PDGFD: variants seen among roughly 807,000 people sequenced by gnomAD.
PDGFD encodes platelet-derived growth factor D.
In PDGFD, 30 loss-of-function variants were observed where a neutral mutation model predicts 44.7. The ratio of observed to expected loss-of-function variants is 0.67; its 90% confidence interval spans 0.50 to 0.91. PDGFD has a LOEUF of 0.91. PDGFD is among the 40% of genes least tolerant of loss of function. PDGFD has a pLI of 0.00. For missense variants in PDGFD, 445 were observed against 457.8 expected, an observed-to-expected ratio of 0.97 and a Z score of 0.25; for synonymous variants, 173 against 168.4, an observed-to-expected ratio of 1.03 and a Z score of -0.21.
intron 1 of PDGFD, among the ~76,000 whole-genome samples, chr11:104,042,012 T>C (rs1452024562): frequency 6.6e-6 from 1 of 152,194 alleles, no homozygotes; most frequent in East Asian, 1.9e-4. Flanking sequence ...TAGGAAATTG[T>C]ATGCAATTAT....
At position 104,146,777 on chromosome 11, in the gene PDGFD, G is replaced by T. The variant is rs180800365; in HGVS notation, c.124+17027C>A. On this transcript the variant is annotated intron_variant, in intron 1 of 6. Coordinates refer to ENST00000393158, the MANE Select transcript of PDGFD (RefSeq NM_025208.5). ...TGGCTGGAGTTCATTCAATCATTCT[G>T]CAAATATTTACTGAGTACCTCTATA... is the stretch of plus-strand genomic sequence containing the variant. 2.7e-4 allele frequency among the ~76,000 whole-genome samples: 41 copies of T among 152,066 alleles called. No individual in the cohort carries two copies. In the East Asian group the frequency reaches 7.6e-3, roughly 28 times the overall value.
At chr11:104,059,118 T>C (rs572475613) in intron 1 of PDGFD, among the ~76,000 whole-genome samples, 17 of 152,246 alleles carry the variant, frequency 1.1e-4, no homozygotes, top group Non-Finnish European at 2.2e-4. Flanking sequence ...CTGAAAATGG[T>C]GAATTTGACT....
chr11:104,098,974 ACTTT>A (rs5794293), intron 1 of PDGFD, among the ~76,000 whole-genome samples: 106,774 of 151,624 alleles, frequency 0.7, 37,929 homozygotes, highest in East Asian at 0.98. Flanking sequence ...TTTAAAAATC[ACTTT>A]CTTAGTTAAA....
At position 103,947,646 on chromosome 11, in the gene PDGFD, G is replaced by A; in HGVS notation, c.573+16C>T. ...ATCCGTTTCTTTTGCTGGCAACAGA[G>A]TAATAAATTACTTACTGAAATAGAG... On this transcript the variant is annotated intron_variant, in intron 4 of 6. Coordinates refer to ENST00000393158, the MANE Select transcript of PDGFD (RefSeq NM_025208.5). The A allele has an allele frequency of 1.9e-6, 3 of 1,606,790 alleles. No homozygotes were observed. The highest frequency in any genetic ancestry group is 2.6e-6 in the Non-Finnish European group (3 of 1,173,502).
At chr11:104,055,058 G>C (rs1360346078) in intron 1 of PDGFD, among the ~76,000 whole-genome samples, 1 of 152,050 alleles carries the variant, frequency 6.6e-6, no homozygotes, top group Non-Finnish European at 1.5e-5. Context: ...AATGTCCTTG[G>C]TTCCTACCAA....
chr11:103,973,960 A>G (rs956779204), intron 3 of PDGFD, among the ~76,000 whole-genome samples: 1 of 152,158 alleles, frequency 6.6e-6, no homozygotes, highest in African/African-American at 2.4e-5. Context: ...GAATGGCAGC[A>G]GTTTGGATGG....
intron 1 of PDGFD, among the ~76,000 whole-genome samples, chr11:104,057,621 C>T (rs1860642113): frequency 6.6e-6 from 1 of 152,156 alleles, no homozygotes; most frequent in African/African-American, 2.4e-5. Flanking sequence ...CAAACCTCAG[C>T]ATCATGCAGT....
chr11:104,045,339 T>A (rs1441883440), intron 1 of PDGFD, among the ~76,000 whole-genome samples: 2 of 152,290 alleles, frequency 1.3e-5, no homozygotes, highest in East Asian at 3.9e-4. Context: ...TTAAAAATGA[T>A]AAGAAACTCA....
chr11:104,112,570 G>A (rs1384189323), intron 1 of PDGFD, among the ~76,000 whole-genome samples: 1 of 151,984 alleles, frequency 6.6e-6, no homozygotes, highest in Non-Finnish European at 1.5e-5. Flanking sequence ...ACACATGCAT[G>A]CAAATGTTCA....
intron 1 of PDGFD, among the ~76,000 whole-genome samples, chr11:104,152,303 C>T (rs1205620149): frequency 6.6e-6 from 1 of 152,060 alleles, no homozygotes; most frequent in Non-Finnish European, 1.5e-5. Context: ...TTTACAAATC[C>T]TTTAATTACA....
chr11:104,066,168 C>A (rs754431555), intron 1 of PDGFD, among the ~76,000 whole-genome samples: 6 of 152,238 alleles, frequency 3.9e-5, no homozygotes, highest in African/African-American at 1.4e-4. Context: ...GAATGCCATA[C>A]CTCCGTCATC....
chr11:103,926,081 T>C (rs554489), intron 6 of PDGFD, among the ~76,000 whole-genome samples: 31,747 of 152,036 alleles, frequency 0.21, 5,724 homozygotes, highest in African/African-American at 0.49. Context: ...AGAAAAACCA[T>C]AGACCCTGGA....
At chr11:103,990,042 C>T (rs1451918447) in intron 3 of PDGFD, among the ~76,000 whole-genome samples, 2 of 152,052 alleles carry the variant, frequency 1.3e-5, no homozygotes, top group Non-Finnish European at 2.9e-5. Flanking sequence ...TTAGCTAACC[C>T]TCTGGTTTTA....
At chr11:103,952,229 C>T (rs1591091444) in intron 3 of PDGFD, among the ~76,000 whole-genome samples, 1 of 152,206 alleles carries the variant, frequency 6.6e-6, no homozygotes, top group Middle Eastern at 3.4e-3. Context: ...TTAAGAAATG[C>T]TAAAATAGAA....
At chr11:103,943,721 A>C in intron 4 of PDGFD, 71 bp from the exon 5 acceptor site, 1 of 1,311,754 alleles carries the variant, frequency 7.6e-7, no homozygotes, top group Non-Finnish European at 1.1e-6. Flanking sequence ...TCATTCAACT[A>C]TACGGAAGGA....
At chr11:103,925,716 C>CATATATATATATATATATATATAT (rs370841769) in intron 6 of PDGFD, among the ~76,000 whole-genome samples, 110 of 122,736 alleles carry the variant, frequency 9.0e-4, no homozygotes, top group African/African-American at 3.0e-3. Flanking sequence ...CACACACACA[C>CATATATATATATATATATATATAT]ATATATATAT....
At chr11:103,986,535 G>A (rs1363473215) in intron 3 of PDGFD, among the ~76,000 whole-genome samples, 2 of 152,164 alleles carry the variant, frequency 1.3e-5, no homozygotes, top group East Asian at 3.9e-4. Context: ...CACTTGGAAA[G>A]CGCCTTTGCA....
intron 1 of PDGFD, among the ~76,000 whole-genome samples, chr11:104,148,125 A>G (rs1181531646): frequency 2.0e-5 from 3 of 152,186 alleles, no homozygotes; most frequent in Non-Finnish European, 2.9e-5. Flanking sequence ...TTAGATGACT[A>G]TAAGTTTTTT....
intron 1 of PDGFD, among the ~76,000 whole-genome samples, chr11:104,159,424 T>C (rs574480990): frequency 2.0e-4 from 30 of 152,332 alleles, no homozygotes; most frequent in Middle Eastern, 3.4e-3. Flanking sequence ...AGGATTTTAT[T>C]AAGGTGTTCC....
Sources: allele counts gnomAD v4.1 joint callset (sites outside exome capture counted in the v4.1 genomes callset), GRCh38; gene constraint gnomAD v4.1.1; transcripts MANE v1.5; gene names NCBI Gene and HGNC (gene_info 2026-07-23, HGNC 2026-07-21).